Variants in PPM1L observed in about 807,000 individuals in gnomAD.
PPM1L encodes the protein protein phosphatase 1L.
In PPM1L, 13 loss-of-function variants were observed where a neutral mutation model predicts 31.4. The observed-to-expected ratio is 0.41, with a 90% CI of 0.27 to 0.66. The LOEUF (loss-of-function observed/expected upper bound fraction) is 0.66, where lower values mean the gene tolerates loss of function less well. Among genes scored for constraint, PPM1L ranks in the 30% least tolerant of loss-of-function variants. The probability of loss-of-function intolerance (pLI) is 0.29; values close to 1 mark genes in which losing one functional copy is unlikely to be tolerated. For missense variants in PPM1L, 326 were observed against 453.7 expected (o/e 0.72, Z 2.56); for synonymous variants, 184 against 175.4 (o/e 1.05, Z -0.39).
At chr3:160,835,812 C>T (rs1259446905) in intron 1 of PPM1L, among the ~76,000 whole-genome samples, 2 of 152,116 alleles carry the variant, frequency 1.3e-5, no homozygotes, top group Admixed American at 1.3e-4. Context: ...ATCAAGAGTT[C>T]TATAGTATCT....
intron 2 of PPM1L, among the ~76,000 whole-genome samples, chr3:161,001,237 C>T (rs542661479): frequency 6.6e-6 from 1 of 152,132 alleles, no homozygotes; most frequent in South Asian, 2.1e-4. Flanking sequence ...ACAACAACAA[C>T]AAAACAAACA....
intron 1 of PPM1L, among the ~76,000 whole-genome samples, chr3:160,758,807 T>A (rs1271360812): frequency 6.6e-6 from 1 of 152,224 alleles, no homozygotes; most frequent in African/African-American, 2.4e-5. Flanking sequence ...GAAAAGATGA[T>A]AATCTTTAGC....
intron 1 of PPM1L, among the ~76,000 whole-genome samples, chr3:160,874,457 C>G (rs1712435303): frequency 6.6e-6 from 1 of 152,250 alleles, no homozygotes; most frequent in South Asian, 2.1e-4. Context: ...TACTTTTTCC[C>G]TTTAAGTCTG....
intron 2 of PPM1L, among the ~76,000 whole-genome samples, chr3:161,045,681 C>A (rs6769642): frequency 0.64 from 97,721 of 152,048 alleles, 34,029 homozygotes; most frequent in East Asian, 0.97. Context: ...AAAGATCTAA[C>A]ATTGACACCC....
intron 1 of PPM1L, among the ~76,000 whole-genome samples, chr3:160,930,155 C>T (rs1038133751): frequency 2.0e-5 from 3 of 152,004 alleles, no homozygotes; most frequent in Admixed American, 6.5e-5. Context: ...CAAAACAGGT[C>T]GCAAAGTGTT....
At chr3:161,004,910 C>T (rs1330043198) in intron 2 of PPM1L, among the ~76,000 whole-genome samples, 1 of 152,098 alleles carries the variant, frequency 6.6e-6, no homozygotes, top group Non-Finnish European at 1.5e-5. Flanking sequence ...TCTTGCTTTT[C>T]TAGTTCTTTT....
chr3:160,840,166 T>A (rs1560122096), intron 1 of PPM1L, among the ~76,000 whole-genome samples: 1 of 152,174 alleles, frequency 6.6e-6, no homozygotes, highest in African/African-American at 2.4e-5. Context: ...ATGGTACTTT[T>A]AAAATGTTTC....
intron 1 of PPM1L, among the ~76,000 whole-genome samples, chr3:160,860,357 G>A (rs952885723): frequency 6.6e-6 from 1 of 152,004 alleles, no homozygotes; most frequent in Non-Finnish European, 1.5e-5. Flanking sequence ...CACATTTATT[G>A]TCCTAAAAAT....
chr3:160,917,824 C>T (rs1032144146), intron 1 of PPM1L, among the ~76,000 whole-genome samples: 1 of 152,142 alleles, frequency 6.6e-6, no homozygotes, highest in African/African-American at 2.4e-5. Context: ...ATAGGGTACA[C>T]CAACAATGTG....
intron 2 of PPM1L, among the ~76,000 whole-genome samples, chr3:161,026,856 G>A (rs1027176253): frequency 1.3e-5 from 2 of 152,184 alleles, no homozygotes; most frequent in Admixed American, 1.3e-4. Flanking sequence ...GCCAATTGTT[G>A]AGTTTAAATC....
At chr3:160,983,114 A>C (rs1181353290) in intron 2 of PPM1L, among the ~76,000 whole-genome samples, 2 of 152,238 alleles carry the variant, frequency 1.3e-5, no homozygotes, top group Non-Finnish European at 2.9e-5. Context: ...GCTTGTGAGA[A>C]GTATTGGCCC....
chr3:160,841,890 A>G (rs1480205856), intron 1 of PPM1L, among the ~76,000 whole-genome samples: 1 of 152,208 alleles, frequency 6.6e-6, no homozygotes, highest in East Asian at 1.9e-4. Flanking sequence ...ATAAATGTCA[A>G]CTTGTTTAGC....
In PPM1L at chr3:161,007,638, T is replaced by C. The variant is rs150954556; in HGVS notation, c.574+45728T>C. On this transcript the variant is annotated intron_variant, in intron 2 of 3. Coordinates refer to ENST00000498165, the MANE Select transcript of PPM1L (RefSeq NM_139245.4). ...GTAAACTTTCTTAAAATATTATGAT[T>C]TATTTATTTTTTTATTTTTATTTTT... Among the ~76,000 whole-genome samples the C allele has an allele frequency of 4.2e-3, 642 of 152,314 alleles. 5 individuals are homozygous for C. The highest frequency in any genetic ancestry group is 0.014 in the African/African-American group (593 of 41,568).
At chr3:160,814,580 T>C (rs1342868075) in intron 1 of PPM1L, among the ~76,000 whole-genome samples, 1 of 90,102 alleles carries the variant, frequency 1.1e-5, no homozygotes. Context: ...TGTGTATATA[T>C]ATACACACAC....
At chr3:160,880,830 C>T (rs1190181881) in intron 1 of PPM1L, among the ~76,000 whole-genome samples, 3 of 152,136 alleles carry the variant, frequency 2.0e-5, no homozygotes, top group African/African-American at 7.2e-5. Flanking sequence ...ATTTCCACCC[C>T]TCTCCACCCA....
intron 1 of PPM1L, among the ~76,000 whole-genome samples, chr3:160,838,898 A>G (rs1297639950): frequency 6.6e-6 from 1 of 152,216 alleles, no homozygotes; most frequent in East Asian, 1.9e-4. Context: ...TGTATTGGAA[A>G]CTTAATACCC....
At chr3:161,061,531 A>T (rs1057000410) in intron 2 of PPM1L, among the ~76,000 whole-genome samples, 3 of 152,216 alleles carry the variant, frequency 2.0e-5, no homozygotes, top group African/African-American at 4.8e-5. Flanking sequence ...ACATTTGTGG[A>T]TTCAACCAAC....
At chr3:160,846,523 A>G (rs1370905641) in intron 1 of PPM1L, among the ~76,000 whole-genome samples, 1 of 152,124 alleles carries the variant, frequency 6.6e-6, no homozygotes, top group African/African-American at 2.4e-5. Context: ...ACCTTGAAAG[A>G]TTGTTTCAAA....
chr3:160,858,346 A>G (rs573578740), intron 1 of PPM1L, among the ~76,000 whole-genome samples: 19 of 152,100 alleles, frequency 1.2e-4, no homozygotes, highest in African/African-American at 4.6e-4. Flanking sequence ...TCCCAGATTC[A>G]ATTGATTCTC....
Sources: gnomAD v4.1 joint callset for allele counts (sites outside exome capture counted in the v4.1 genomes callset) on GRCh38, gnomAD v4.1.1 for gene constraint, MANE v1.5 for transcripts, NCBI Gene and HGNC (gene_info 2026-07-23, HGNC 2026-07-21) for gene names.